The following TSPEAR variants were observed in gnomAD, a reference collection of about 807,000 sequenced individuals.
TSPEAR encodes thrombospondin type laminin G domain and EAR repeats, also known as thrombospondin-type laminin G domain and EAR repeat-containing protein.
In TSPEAR, 69 loss-of-function variants were observed where a neutral mutation model predicts 71.6. The ratio of observed to expected loss-of-function variants is 0.96; its 90% CI spans 0.79 to 1.18. The LOEUF (loss-of-function observed/expected upper bound fraction) is 1.18, where lower values mean the gene tolerates loss of function less well. TSPEAR is among the 50% of genes most tolerant of loss of function. The pLI, the probability that TSPEAR is intolerant of heterozygous loss-of-function variation, is 0.00. For missense variants in TSPEAR, 971 were observed against 894.9 expected, an observed-to-expected ratio of 1.09 and a Z score of -1.09; for synonymous variants, 402 against 387.2, an observed-to-expected ratio of 1.04 and a Z score of -0.45.
At chr21:44,601,972 G>C in intron 1 of TSPEAR, 2 of 638,066 alleles carry the variant, frequency 3.1e-6, no homozygotes, top group South Asian at 4.2e-5. Context: ...AGTGACCCCA[G>C]CAAGGCCAGC....
chr21:44,506,265 T>C lies in TSPEAR; in HGVS notation c.1755-1384A>G, dbSNP rs1555911904. On this transcript the variant is annotated intron_variant, in intron 10 of 11. Coordinates refer to ENST00000323084, the MANE Select transcript of TSPEAR (RefSeq NM_144991.3). This position sits in a 1 kb window ranked among gnomAD's most constrained non-coding sequence, Gnocchi z 4.2. ...GGAGCGGCTCCCCTGGATCCTTTCC[T>C]CCCCAGGAGCCCACCTGCCGAGCTG... is the stretch of plus-strand genomic sequence containing the variant. Among the ~76,000 whole-genome samples the C allele has an allele frequency of 6.6e-6, 1 of 152,280 alleles. No individual in the cohort carries two copies. The highest frequency in any genetic ancestry group is 6.5e-5 in the Admixed American group (1 of 15,296).
chr21:44,535,264 C>G lies in TSPEAR; in HGVS notation c.304-1341G>C, dbSNP rs141069231. Among the ~76,000 whole-genome samples, 16 of 152,166 alleles carry G rather than the reference C, an allele frequency of 1.1e-4. No individual in the cohort carries two copies. The South Asian group carries it at 3.3e-3, about 32-fold the overall frequency. ...TTTTACCACAATTAAAAAACAAGAACGTATACAAATGCGGTGTCCACCAAG... is the reference window on the plus strand; with the variant it reads ...TTTTACCACAATTAAAAAACAAGAAGGTATACAAATGCGGTGTCCACCAAG... On this transcript the variant is annotated intron_variant, in intron 2 of 11. Coordinates refer to ENST00000323084, the MANE Select transcript of TSPEAR (RefSeq NM_144991.3).
At chr21:44,582,570 C>T (rs1396766215) in intron 1 of TSPEAR, among the ~76,000 whole-genome samples, 2 of 152,190 alleles carry the variant, frequency 1.3e-5, no homozygotes, top group East Asian at 1.9e-4. Flanking sequence ...TTGTGATCCA[C>T]GCCCTCTGTC....
intron 9 of TSPEAR, chr21:44,515,750 T>G (rs2052546327): frequency 6.6e-6 from 1 of 152,176 alleles, no homozygotes; most frequent in East Asian, 1.9e-4. Context: ...AGCCCCGTGT[T>G]TTTCGGTAAC....
At chr21:44,630,870 GA>G (rs1369239669) in intron 1 of TSPEAR, among the ~76,000 whole-genome samples, 2 of 152,270 alleles carry the variant, frequency 1.3e-5, no homozygotes, top group Non-Finnish European at 2.9e-5. Flanking sequence ...TCATGACAAA[GA>G]GTATAGTCAT....
intron 1 of TSPEAR, among the ~76,000 whole-genome samples, chr21:44,675,294 A>G (rs1366694872): frequency 3.3e-5 from 5 of 152,222 alleles, no homozygotes; most frequent in African/African-American, 7.2e-5. Context: ...TAAACATGAT[A>G]TATCACATTA....
intron 1 of TSPEAR, among the ~76,000 whole-genome samples, chr21:44,619,660 G>A (rs1982322432): frequency 6.6e-6 from 1 of 152,172 alleles, no homozygotes; most frequent in South Asian, 2.1e-4. Context: ...TAAAGAGATA[G>A]GAGGAAATTT....
chr21:44,587,304 T>A (rs1420294278), intron 1 of TSPEAR, among the ~76,000 whole-genome samples: 2 of 151,938 alleles, frequency 1.3e-5, no homozygotes, highest in Non-Finnish European at 2.9e-5. Context: ...TGCAAAAAAA[T>A]AAAATACTCA....
chr21:44,521,532 C>G (rs1976472), intron 9 of TSPEAR, among the ~76,000 whole-genome samples: 5 of 152,224 alleles, frequency 3.3e-5, no homozygotes, highest in Admixed American at 2.6e-4. Context: ...CAGATTAGAC[C>G]GCGGGAGCTT....
At chr21:44,515,126 T>C (rs971548937) in intron 9 of TSPEAR, among the ~76,000 whole-genome samples, 2 of 152,170 alleles carry the variant, frequency 1.3e-5, no homozygotes, top group Admixed American at 6.5e-5. Flanking sequence ...CTCACGTTCA[T>C]GAAAGACATT....
intron 1 of TSPEAR, chr21:44,613,032 C>G: frequency 8.8e-7 from 1 of 1,142,166 alleles, no homozygotes; most frequent in Non-Finnish European, 1.2e-6. Context: ...CTCCTTACTC[C>G]CAGGAGCCTC....
chr21:44,655,407 T>C (rs1239626387), intron 1 of TSPEAR, among the ~76,000 whole-genome samples: 7 of 152,202 alleles, frequency 4.6e-5, no homozygotes, highest in African/African-American at 1.2e-4. Context: ...ATCAGCCACG[T>C]TGGCGTCTGC....
At chr21:44,627,605 G>T in intron 1 of TSPEAR, 1 of 1,611,870 alleles carries the variant, frequency 6.2e-7, no homozygotes, top group Non-Finnish European at 8.5e-7. Context: ...GTGCCCGTCT[G>T]CTGCAAACCT....
At chr21:44,513,882 C>T (rs1253359010) in intron 9 of TSPEAR, among the ~76,000 whole-genome samples, 1 of 152,176 alleles carries the variant, frequency 6.6e-6, no homozygotes, top group Non-Finnish European at 1.5e-5. Flanking sequence ...GGGTAGCCAG[C>T]TCAGGCTGGA....
In TSPEAR at chr21:44,506,272, G is replaced by T. The variant is rs587642765; in HGVS notation, c.1755-1391C>A. 6.6e-6 allele frequency among the ~76,000 whole-genome samples: 1 copy of T among 152,340 alleles called. No homozygotes were observed. Among genetic ancestry groups the T allele is most frequent in the Non-Finnish European group, 1.5e-5 (1 of 68,026 alleles). ...CTCCCCTGGATCCTTTCCTCCCCAG[G>T]AGCCCACCTGCCGAGCTGTCAGCGT... On this transcript the variant is annotated intron_variant, in intron 10 of 11. Transcript: ENST00000323084. The surrounding 1 kb of genome is among the most constrained non-coding windows in gnomAD (Gnocchi z 4.2).
At chr21:44,667,160 A>T (rs2256490) in intron 1 of TSPEAR, among the ~76,000 whole-genome samples, 116,493 of 152,180 alleles carry the variant, frequency 0.77, 45,042 homozygotes, top group African/African-American at 0.88. Context: ...TGGCTTCATC[A>T]AGATTCTTCC....
chr21:44,554,230 C>T (rs908806846), intron 2 of TSPEAR, among the ~76,000 whole-genome samples: 4 of 152,148 alleles, frequency 2.6e-5, no homozygotes, highest in Admixed American at 6.5e-5. Context: ...ATCTGGGCCA[C>T]GTGAGGACAG....
chr21:44,563,786 G>A (rs919574940), intron 2 of TSPEAR, among the ~76,000 whole-genome samples: 2 of 152,156 alleles, frequency 1.3e-5, no homozygotes, highest in Non-Finnish European at 2.9e-5. Flanking sequence ...TCCTCTGGTC[G>A]CAGTTTCAAC....
At chr21:44,588,224 T>G (rs1231549271) in intron 1 of TSPEAR, among the ~76,000 whole-genome samples, 1 of 152,114 alleles carries the variant, frequency 6.6e-6, no homozygotes, top group East Asian at 1.9e-4. Flanking sequence ...AGGACATGAA[T>G]GGACAATTCT....
Sources: allele counts gnomAD v4.1 joint callset (sites outside exome capture counted in the v4.1 genomes callset), GRCh38; gene constraint gnomAD v4.1.1; non-coding constraint Gnocchi (gnomAD v3.1); transcripts MANE v1.5; gene names NCBI Gene and HGNC (gene_info 2026-07-23, HGNC 2026-07-21).